GRXCR2: variants seen among roughly 807,000 people sequenced by gnomAD.
GRXCR2 encodes glutaredoxin and cysteine rich domain containing 2.
Under a neutral mutation model 24.8 loss-of-function variants are expected in GRXCR2, and 23 were observed. The ratio of observed to expected loss-of-function variants is 0.93; its 90% CI spans 0.67 to 1.32. The LOEUF is 1.32. Among genes scored for constraint, GRXCR2 ranks in the 40% most tolerant of loss-of-function variants. The pLI is 0.00. For synonymous variants in GRXCR2, 130 were observed against 116.1 expected, an observed-to-expected ratio of 1.12 and a Z score of -0.77; for missense variants, 315 against 303.4, an observed-to-expected ratio of 1.04 and a Z score of -0.28.
chr5:145,892,684 T>A (rs1380501694), intron 2 of GRXCR2, among the ~76,000 whole-genome samples: 1 of 152,100 alleles, frequency 6.6e-6, no homozygotes, highest in Non-Finnish European at 1.5e-5. Flanking sequence ...ATGGGGAGAA[T>A]GGAACCAAGT....
chr5:145,883,077 C>T (rs981257661), intron 2 of GRXCR2, among the ~76,000 whole-genome samples: 10 of 150,976 alleles, frequency 6.6e-5, no homozygotes, highest in East Asian at 2.0e-4. Context: ...GTGTAAATGA[C>T]GAGTTAATGG....
At chr5:145,923,636 C>T (rs577807918) in intron 2 of GRXCR2, among the ~76,000 whole-genome samples, 1 of 152,284 alleles carries the variant, frequency 6.6e-6, no homozygotes, top group Admixed American at 6.5e-5. Flanking sequence ...TTGTCACAGT[C>T]CCACTCACTA....
At chr5:145,930,904 C>T (rs957181528) in intron 2 of GRXCR2, among the ~76,000 whole-genome samples, 1 of 152,208 alleles carries the variant, frequency 6.6e-6, no homozygotes, top group Non-Finnish European at 1.5e-5. Context: ...TCACTTTATC[C>T]ATGAGGAATC....
In GRXCR2 at chr5:145,859,803, G is replaced by A. The variant is rs1241565707; in HGVS notation, c.677C>T (p.Ser226Phe). Residue 226 changes from serine to phenylalanine, a missense_variant, in exon 3 of 3, where the codon TCC becomes TTC. Physicochemically the swap from Ser to Phe is radical, Grantham distance 155. Transcript: ENST00000377976. ...GGCAGGGCACCTCAGGGCCCGATAG[G>A]ACTCCTTAAATCTGTTGGCCAGCAT... ...FSMLANRFKE[S>F]YRALRCPACN... is the part of the protein sequence containing the mutation. 2.5e-6 allele frequency: 4 copies of A among 1,614,158 alleles called. No homozygotes were observed. The highest frequency in any genetic ancestry group is 3.4e-6 in the Non-Finnish European group (4 of 1,180,016).
intron 1 of GRXCR2, among the ~76,000 whole-genome samples, chr5:145,868,776 A>AT (rs1756476071): frequency 6.6e-6 from 1 of 152,172 alleles, no homozygotes; most frequent in Admixed American, 6.5e-5. Context: ...TAGCAAGTTT[A>AT]TTTTTTGATG....
At chr5:145,925,570 A>G (rs1307988637) in intron 2 of GRXCR2, among the ~76,000 whole-genome samples, 1 of 152,132 alleles carries the variant, frequency 6.6e-6, no homozygotes, top group Non-Finnish European at 1.5e-5. Context: ...CCAAACACAA[A>G]TGAGTCATCC....
intron 2 of GRXCR2, among the ~76,000 whole-genome samples, chr5:145,917,502 T>G (rs1757258893): frequency 6.6e-6 from 1 of 152,148 alleles, no homozygotes; most frequent in South Asian, 2.1e-4. Context: ...TCAGAATGTC[T>G]GCTGAGTGCC....
intron 2 of GRXCR2, among the ~76,000 whole-genome samples, chr5:145,895,148 G>C (rs1347170346): frequency 1.3e-5 from 2 of 152,052 alleles, no homozygotes; most frequent in Non-Finnish European, 2.9e-5. Flanking sequence ...AATCATAAGA[G>C]CTATCTATGA....
At chr5:145,931,071 A>G (rs1283899066) in intron 2 of GRXCR2, among the ~76,000 whole-genome samples, 1 of 152,108 alleles carries the variant, frequency 6.6e-6, no homozygotes, top group Non-Finnish European at 1.5e-5. Context: ...TCACTTTGTC[A>G]CCCAGGCTGG....
At chr5:145,883,285 C>A (rs75582235) in intron 2 of GRXCR2, among the ~76,000 whole-genome samples, 1 of 151,992 alleles carries the variant, frequency 6.6e-6, no homozygotes, top group African/African-American at 2.4e-5. Context: ...TTTATGCTTT[C>A]TCACATTTTT....
intron 2 of GRXCR2, among the ~76,000 whole-genome samples, chr5:145,912,488 C>T (rs973046695): frequency 6.6e-6 from 1 of 152,130 alleles, no homozygotes; most frequent in African/African-American, 2.4e-5. Context: ...CCCCTGCCCT[C>T]GTGGAGCTGA....
At chr5:145,869,918 T>C (rs1561677425) in intron 1 of GRXCR2, among the ~76,000 whole-genome samples, 1 of 152,126 alleles carries the variant, frequency 6.6e-6, no homozygotes, top group Non-Finnish European at 1.5e-5. Context: ...CTCCTTTGAT[T>C]ACCCTCATAT....
chr5:145,921,955 T>TG (rs1757327887), intron 2 of GRXCR2, among the ~76,000 whole-genome samples: 1 of 152,162 alleles, frequency 6.6e-6, no homozygotes, highest in African/African-American at 2.4e-5. Flanking sequence ...CAAGGAGACA[T>TG]AAAATGATAA....
intron 2 of GRXCR2, among the ~76,000 whole-genome samples, chr5:145,902,216 C>T (rs991488341): frequency 2.0e-5 from 3 of 152,124 alleles, no homozygotes; most frequent in African/African-American, 7.2e-5. Context: ...ACCTCAGCCT[C>T]CCAAGTAGCT....
intron 2 of GRXCR2, among the ~76,000 whole-genome samples, chr5:145,880,099 C>T (rs1458070610): frequency 2.0e-5 from 3 of 152,206 alleles, no homozygotes; most frequent in African/African-American, 7.2e-5. Context: ...CAGGAAAGAT[C>T]TAAAATCAAC....
intron 2 of GRXCR2, among the ~76,000 whole-genome samples, chr5:145,926,356 T>A (rs1240763385): frequency 1.3e-5 from 2 of 152,320 alleles, no homozygotes; most frequent in African/African-American, 4.8e-5. Context: ...ATTTTTAATA[T>A]CTTTTAAAAA....
chr5:145,878,108 T>A (rs1309545748), intron 2 of GRXCR2, among the ~76,000 whole-genome samples: 1 of 152,118 alleles, frequency 6.6e-6, no homozygotes, highest in Non-Finnish European at 1.5e-5. Flanking sequence ...GCAGAAAAGC[T>A]GAAAATTCTA....
At chr5:145,894,498 T>C (rs933011505) in intron 2 of GRXCR2, among the ~76,000 whole-genome samples, 9 of 152,276 alleles carry the variant, frequency 5.9e-5, no homozygotes, top group African/African-American at 2.2e-4. Flanking sequence ...GAGAATACTA[T>C]AAACACTTCT....
intron 2 of GRXCR2, among the ~76,000 whole-genome samples, chr5:145,892,049 C>G (rs1224778779): frequency 6.6e-6 from 1 of 152,136 alleles, no homozygotes; most frequent in African/African-American, 2.4e-5. Context: ...CCAGCAAACT[C>G]CAACAGACCT....
Sources: gnomAD v4.1 joint callset for allele counts (sites outside exome capture counted in the v4.1 genomes callset) on GRCh38, gnomAD v4.1.1 for gene constraint, MANE v1.5 for transcripts, NCBI Gene and HGNC (gene_info 2026-07-23, HGNC 2026-07-21) for gene names.